The following C8orf34 variants were observed in gnomAD, a reference collection of about 807,000 sequenced individuals.
The protein encoded by C8orf34 is uncharacterized protein C8orf34.
Under a neutral mutation model 68.3 loss-of-function variants are expected in C8orf34, and 65 were observed. The observed-to-expected ratio is 0.95, with a 90% confidence interval of 0.78 to 1.17. The LOEUF is 1.17. Among genes scored for constraint, C8orf34 ranks in the 50% most tolerant of loss-of-function variants. The pLI, the probability that C8orf34 is intolerant of heterozygous loss-of-function variation, is 0.00. For missense variants in C8orf34, 664 were observed against 655.4 expected (o/e 1.01, Z -0.14); for synonymous variants, 244 against 241.2 (o/e 1.01, Z -0.11).
At chr8:68,767,897 T>C (rs1823226999) in intron 10 of C8orf34, among the ~76,000 whole-genome samples, 1 of 152,240 alleles carries the variant, frequency 6.6e-6, no homozygotes, top group Non-Finnish European at 1.5e-5. Context: ...GATGATATTC[T>C]ATCCTATCAT....
intron 1 of C8orf34, among the ~76,000 whole-genome samples, chr8:68,358,281 T>C (rs1301499668): frequency 6.6e-6 from 1 of 152,004 alleles, no homozygotes; most frequent in Non-Finnish European, 1.5e-5. Context: ...TCTCCCTGGA[T>C]TAGTCTTATG....
intron 7 of C8orf34, among the ~76,000 whole-genome samples, chr8:68,577,684 GA>G (rs1816946066): frequency 6.6e-6 from 1 of 151,622 alleles, no homozygotes; most frequent in Non-Finnish European, 1.5e-5. Flanking sequence ...TTAAGTTTTT[GA>G]AAAGAAATGA....
chr8:68,804,006 CACTGTCAACTG>C (rs1390488400), intron 12 of C8orf34, among the ~76,000 whole-genome samples: 1 of 152,098 alleles, frequency 6.6e-6, no homozygotes, highest in Non-Finnish European at 1.5e-5. Context: ...GTGAAAGGTT[CACTGTCAACTG>C]ACAATTTTTA....
chr8:68,656,331 G>A (rs571647352), intron 8 of C8orf34, among the ~76,000 whole-genome samples: 9 of 152,124 alleles, frequency 5.9e-5, no homozygotes, highest in Non-Finnish European at 1.0e-4. Context: ...ATTAGACAAA[G>A]TACTTTCACA....
chr8:68,619,846 A>G (rs925392709), intron 7 of C8orf34, among the ~76,000 whole-genome samples: 1 of 152,328 alleles, frequency 6.6e-6, no homozygotes, highest in Admixed American at 6.5e-5. Context: ...GATACAATGA[A>G]AGACAAAAGC....
intron 1 of C8orf34, among the ~76,000 whole-genome samples, chr8:68,401,115 G>GTTTTTT (rs57444673): frequency 7.2e-6 from 1 of 139,028 alleles, no homozygotes; most frequent in African/African-American, 2.7e-5. Context: ...CATATTCCTA[G>GTTTTTT]TTTTTTTTTT....
chr8:68,667,742 C>T (rs570976439), intron 8 of C8orf34, among the ~76,000 whole-genome samples: 32 of 152,248 alleles, frequency 2.1e-4, no homozygotes, highest in African/African-American at 6.7e-4. Flanking sequence ...ATTATCCTAA[C>T]AAGTGAATAG....
At chr8:68,371,955 C>T (rs1807582665) in intron 1 of C8orf34, among the ~76,000 whole-genome samples, 1 of 152,154 alleles carries the variant, frequency 6.6e-6, no homozygotes, top group Non-Finnish European at 1.5e-5. Context: ...AATGTAACAG[C>T]CACTTGGTTC....
Position 68,724,593 on chromosome 8 carries a change from C to T in C8orf34, c.1404+3156C>T, listed in dbSNP as rs557443336. ...TTTATCCTCCTCCAAATAAGCAAGT[C>T]GTTCTTCTGGAATTTCCCTCTCCCT... On this transcript the variant is annotated intron_variant, in intron 10 of 13. Transcript: ENST00000518698. Among the ~76,000 whole-genome samples, 39 of 152,278 alleles carry T rather than the reference C, an allele frequency of 2.6e-4. No homozygotes were observed. The South Asian group carries it at 3.1e-3, about 12-fold the overall frequency.
chr8:68,454,543 C>T (rs1013005321), intron 3 of C8orf34, among the ~76,000 whole-genome samples: 4 of 151,938 alleles, frequency 2.6e-5, no homozygotes, highest in South Asian at 2.1e-4. Flanking sequence ...TGTTGGCATA[C>T]AATTGTTTAT....
At position 68,475,962 on chromosome 8, in the gene C8orf34, T is replaced by C. The variant is rs1277239463; in HGVS notation, c.736+7142T>C. Among the ~76,000 whole-genome samples, 10 of 152,136 alleles carry C rather than the reference T, an allele frequency of 6.6e-5. No individual in the cohort carries two copies. The East Asian group carries it at 1.9e-3, about 29-fold the overall frequency. ...CTGCTGGGGGAACAGAGGACAGATA[T>C]TTATGCTCTGTGACTGCTAATAGCA... On this transcript the variant is annotated intron_variant, in intron 4 of 13. Transcript: ENST00000518698.
At chr8:68,583,285 A>G (rs182688856) in intron 7 of C8orf34, among the ~76,000 whole-genome samples, 4 of 152,258 alleles carry the variant, frequency 2.6e-5, no homozygotes, top group Admixed American at 2.6e-4. Context: ...AATAGTACAT[A>G]TATTAGATGA....
At chr8:68,508,746 G>C (rs1230252829) in intron 5 of C8orf34, among the ~76,000 whole-genome samples, 5 of 152,144 alleles carry the variant, frequency 3.3e-5, no homozygotes, top group African/African-American at 1.2e-4. Flanking sequence ...CTTTCTCAAG[G>C]GGATGACAGA....
intron 4 of C8orf34, among the ~76,000 whole-genome samples, chr8:68,471,659 T>A (rs1405782933): frequency 6.6e-6 from 1 of 152,122 alleles, no homozygotes; most frequent in Non-Finnish European, 1.5e-5. Context: ...GGTACCTTCA[T>A]AAGGAATATT....
chr8:68,714,894 C>G (rs183350378), intron 9 of C8orf34, among the ~76,000 whole-genome samples: 69 of 152,166 alleles, frequency 4.5e-4, no homozygotes, highest in Non-Finnish European at 8.1e-4. Flanking sequence ...GCCATAGTTA[C>G]CAAAACAGCA....
At chr8:68,521,619 G>A (rs1165908300) in intron 5 of C8orf34, among the ~76,000 whole-genome samples, 180 bp from the exon 6 acceptor site, 1 of 152,050 alleles carries the variant, frequency 6.6e-6, no homozygotes, top group Non-Finnish European at 1.5e-5. Context: ...AGTGACCTTA[G>A]GAATTAGCAT....
intron 3 of C8orf34, among the ~76,000 whole-genome samples, chr8:68,460,314 C>A (rs1811748243): frequency 6.6e-6 from 1 of 152,240 alleles, no homozygotes; most frequent in East Asian, 1.9e-4. Flanking sequence ...GAGCCCACCA[C>A]AGCTCAAGGA....
rs115763451 is a variant in C8orf34, at chr8:68,697,799, A to T, written c.1242-11195A>T. 8.1e-3 allele frequency among the ~76,000 whole-genome samples: 1,231 copies of T among 152,222 alleles called. 21 individuals are homozygous for T. The highest frequency in any genetic ancestry group is 0.027 in the African/African-American group (1,108 of 41,568). On this transcript the variant is annotated intron_variant, in intron 8 of 13. Coordinates refer to ENST00000518698, the MANE Select transcript of C8orf34 (RefSeq NM_052958.4). ...CTCCAGATTAGGGGAACTTTCGTCC[A>T]ATTTAGGAAAGTGATCCCTGCATGG...
At chr8:68,584,318 A>C (rs1404781400) in intron 7 of C8orf34, among the ~76,000 whole-genome samples, 2 of 152,178 alleles carry the variant, frequency 1.3e-5, no homozygotes, top group Non-Finnish European at 2.9e-5. Context: ...AGTTGGATGG[A>C]ACCTGATCAA....
Sources: allele counts gnomAD v4.1 joint callset (sites outside exome capture counted in the v4.1 genomes callset), GRCh38; gene constraint gnomAD v4.1.1; transcripts MANE v1.5; gene names NCBI Gene and HGNC (gene_info 2026-07-23, HGNC 2026-07-21).